Variants in ZNF286A observed in about 807,000 individuals in gnomAD.
ZNF286A encodes zinc finger protein ZNF286.
A neutral mutation model predicts 49.3 loss-of-function variants in ZNF286A; 34 were observed. That is an observed-to-expected ratio of 0.69 (90% CI 0.52 to 0.92). The LOEUF (loss-of-function observed/expected upper bound fraction) is 0.92. Ranked by LOEUF, ZNF286A falls within the 40% of genes least tolerant of loss-of-function variation. The pLI, the probability that ZNF286A is intolerant of heterozygous loss-of-function variation, is 0.00. For synonymous variants in ZNF286A, 155 were observed against 200.4 expected, an observed-to-expected ratio of 0.77 and a Z score of 1.91; for missense variants, 462 against 600.2, an observed-to-expected ratio of 0.77 and a Z score of 2.41.
At position 15,711,866 on chromosome 17, in the gene ZNF286A, C is replaced by A. The variant is rs559963724; in HGVS notation, c.334+3619C>A. Among the ~76,000 whole-genome samples, 134 of 103,502 alleles carry A rather than the reference C, an allele frequency of 1.3e-3. 5 individuals carry two copies. Among genetic ancestry groups the A allele is most frequent in the East Asian group, 8.8e-3 (28 of 3,198 alleles). The allele number at this position is 103,502 out of a possible 152,430, so 67.9% of individuals were successfully genotyped here. On this transcript the variant is annotated intron_variant, in intron 5 of 5. Transcript: ENST00000583566. ...TTGCATTTATCTGTAATCTGCCCCC[C>A]CCCCGGCTTTTTTTTTTTTTTTTGA...
intron 5 of ZNF286A, among the ~76,000 whole-genome samples, chr17:15,714,816 A>G (rs1308663875): frequency 6.6e-6 from 1 of 152,110 alleles, no homozygotes; most frequent in Non-Finnish European, 1.5e-5. Context: ...ATAGAAGATG[A>G]ATAGATAGAT....
At chr17:15,706,016 GA>G (rs1255798445) in intron 3 of ZNF286A, among the ~76,000 whole-genome samples, 1 of 152,178 alleles carries the variant, frequency 6.6e-6, no homozygotes, top group African/African-American at 2.4e-5. Context: ...TGAGGACTCA[GA>G]GAAGCATTAT....
chr17:15,720,671 A>G lies in ZNF286A; in HGVS notation c.*3381A>G, dbSNP rs1967325925. ...ACCTGCCACATGTTTGTACTGCAAC[A>G]TGAATCTTGGAAATTTTAATGTTAT... On this transcript the variant is annotated 3_prime_UTR_variant, in exon 6 of 6. Coordinates refer to ENST00000583566, the MANE Select transcript of ZNF286A (RefSeq NM_001130842.2). 6.7e-6 allele frequency: 1 copy of G among 148,854 alleles called. No individual in the cohort carries two copies. Among genetic ancestry groups the G allele is most frequent in the Non-Finnish European group, 1.5e-5 (1 of 67,390 alleles). 9.2% of individuals were successfully genotyped at this position (148,854 alleles called of 1,614,324 possible). A position where few individuals can be genotyped will look rare whatever the true frequency, so the allele number is the denominator to read the frequency against.
rs1288552880 is a variant in ZNF286A at position 15,716,656 on chromosome 17, C to T, written c.932C>T (p.Ser311Leu). The stretch of plus-strand genomic sequence containing the variant: ...TGCAAGAAAACCTTCACAGAAAGCT[C>T]ATCCCTTGCAACACATCAGAGAATT... ...SECKKTFTESSSLATHQRIHV... is the reference protein window; with the variant it reads ...SECKKTFTESLSLATHQRIHV... The change falls in exon 6 of 6, where the codon TCA (serine) becomes TTA (leucine). Residue 311 changes from serine to leucine, a missense_variant. Around this residue, in one of 3 missense-constraint regions of ZNF286A, gnomAD observed 201 missense variants for 311.3 expected, o/e 0.65. Coordinates refer to ENST00000583566, the MANE Select transcript of ZNF286A (RefSeq NM_001130842.2). 1.9e-6 allele frequency: 3 copies of T among 1,613,984 alleles called. No individual in the cohort carries two copies. The highest frequency in any genetic ancestry group is 2.5e-6 in the Non-Finnish European group (3 of 1,179,992).
chr17:15,704,068 T>TATTATTA (rs138745890), intron 3 of ZNF286A, among the ~76,000 whole-genome samples: 1 of 140,578 alleles, frequency 7.1e-6, no homozygotes, highest in Non-Finnish European at 1.5e-5. Context: ...TTATTATTAT[T>TATTATTA]TTTTTTTTTT....
In ZNF286A at chr17:15,717,127, G is replaced by A; in HGVS notation, c.1403G>A (p.Cys468Tyr). Reference sequence around the variant, plus strand: ...CATATTGGAAAGAAACCGTACAAATGTAGCGAGTGTGGAAAAGCCTTCATT... The same window carrying A: ...CATATTGGAAAGAAACCGTACAAATATAGCGAGTGTGGAAAAGCCTTCATT... ...RIHIGKKPYK[C>Y]SECGKAFIHS... Residue 468 changes from cysteine to tyrosine, a missense_variant, in exon 6 of 6, where the codon TGT (cysteine) becomes TAT (tyrosine). Transcript: ENST00000583566. 1 of 1,613,870 alleles carries A rather than the reference G, an allele frequency of 6.2e-7. No homozygotes were observed. The highest frequency in any genetic ancestry group is 1.7e-5 in the Admixed American group (1 of 59,992).
At chr17:15,709,392 T>C (rs1990477239) in intron 5 of ZNF286A, among the ~76,000 whole-genome samples, 1 of 151,196 alleles carries the variant, frequency 6.6e-6, no homozygotes, top group East Asian at 1.9e-4. Context: ...CTTGGGAGGC[T>C]GAGGCAGGAG....
At chr17:15,702,073 G>A (rs1597703310) in intron 3 of ZNF286A, among the ~76,000 whole-genome samples, 1 of 150,196 alleles carries the variant, frequency 6.7e-6, no homozygotes, top group East Asian at 2.0e-4. Flanking sequence ...AGTAATCCGA[G>A]ATCGCACCAC....
At chr17:15,702,523 A>G (rs1989865627) in intron 3 of ZNF286A, among the ~76,000 whole-genome samples, 1 of 152,160 alleles carries the variant, frequency 6.6e-6, no homozygotes, top group South Asian at 2.1e-4. Context: ...AAAAAAAAAA[A>G]AAAAGAAGTT....
intron 3 of ZNF286A, chr17:15,704,308 T>C (rs1278990126): frequency 6.2e-7 from 1 of 1,610,432 alleles, no homozygotes; most frequent in Non-Finnish European, 8.5e-7. Flanking sequence ...GCCAGCATGC[T>C]TCTTGGCCAT....
At position 15,701,385 on chromosome 17, in the gene ZNF286A, T is replaced by C. The variant is rs552918682; in HGVS notation, c.126+145T>C. On this transcript the variant is annotated intron_variant, in intron 3 of 5. Coordinates refer to ENST00000583566, the MANE Select transcript of ZNF286A (RefSeq NM_001130842.2). Reference sequence around the variant, plus strand: ...TCTAAGAGACTAGTCAGGAGACTAATGGACTCAGAAGAAAATGTTTTCTAC... The same window carrying C: ...TCTAAGAGACTAGTCAGGAGACTAACGGACTCAGAAGAAAATGTTTTCTAC... 132 of 596,716 alleles carry C rather than the reference T, an allele frequency of 2.2e-4. 2 individuals are homozygous for C. The Admixed American group carries it at 3.1e-3, about 14-fold the overall frequency. The allele number at this position is 596,716 out of a possible 1,614,324, so 37.0% of individuals were successfully genotyped here.
chr17:15,719,157 A>G lies in ZNF286A; in HGVS notation c.*1867A>G, dbSNP rs1967248722. 1 of 135,984 alleles carries G rather than the reference A, an allele frequency of 7.4e-6. No homozygotes were observed. Among genetic ancestry groups the G allele is most frequent in the African/African-American group, 2.8e-5 (1 of 35,584 alleles). The allele number at this position is 135,984 out of a possible 1,614,324, so 8.4% of individuals were successfully genotyped here. On this transcript the variant is annotated 3_prime_UTR_variant, in exon 6 of 6. Coordinates refer to ENST00000583566, the MANE Select transcript of ZNF286A (RefSeq NM_001130842.2). Reference sequence around the variant, plus strand: ...ATTACTCAAAAAAAAAAAAAAAAAGAAAGAAAAGAAAACACAGGAAAAGGA... The same window carrying G: ...ATTACTCAAAAAAAAAAAAAAAAAGGAAGAAAAGAAAACACAGGAAAAGGA...
Position 15,713,789 on chromosome 17 carries a change from G to A in ZNF286A, c.335-2270G>A, listed in dbSNP as rs572406575. Among the ~76,000 whole-genome samples, 6 of 150,778 alleles carry A rather than the reference G, an allele frequency of 4.0e-5. No individual in the cohort carries two copies. The South Asian group carries it at 1.1e-3, about 27-fold the overall frequency. The stretch of plus-strand genomic sequence containing the variant: ...AGTTTTAGGAAGCCATCAAGCTCTC[G>A]GTGGTAAATAGAAGTTTTCCAAAAC... On this transcript the variant is annotated intron_variant, in intron 5 of 5. Coordinates refer to ENST00000583566, the MANE Select transcript of ZNF286A (RefSeq NM_001130842.2).
intron 5 of ZNF286A, chr17:15,709,680 T>C: frequency 2.4e-6 from 2 of 840,056 alleles, no homozygotes; most frequent in Non-Finnish European, 3.6e-6. Flanking sequence ...TTATGTAGTC[T>C]GATTTCTTAA....
rs1333155966 is a variant in ZNF286A, at chr17:15,718,544, C to G, written c.*1254C>G. ...TTCAGTGTGTTATTATATTTAGGGT[C>G]CCAGTAAAGAAGAACTGAAGCAACT... On this transcript the variant is annotated 3_prime_UTR_variant, in exon 6 of 6. Coordinates refer to ENST00000583566, the MANE Select transcript of ZNF286A (RefSeq NM_001130842.2). 2.0e-5 allele frequency: 3 copies of G among 149,874 alleles called. No homozygotes were observed. The Admixed American group carries it at 2.0e-4, about 10-fold the overall frequency. 9.3% of individuals were successfully genotyped at this position (149,874 alleles called of 1,614,324 possible).
intron 3 of ZNF286A, among the ~76,000 whole-genome samples, chr17:15,705,218 C>T (rs755435365): frequency 2.0e-5 from 3 of 152,122 alleles, no homozygotes; most frequent in Non-Finnish European, 2.9e-5. Flanking sequence ...CCAGATTTTG[C>T]AAAAATTTAT....
chr17:15,700,407 C>A (rs1989681541), intron 2 of ZNF286A, 41 bp downstream of exon 2: 1 of 709,532 alleles, frequency 1.4e-6, no homozygotes, highest in African/African-American at 1.8e-5. Flanking sequence ...CGTGGAAGGA[C>A]GAAATTCCTG....
intron 5 of ZNF286A, among the ~76,000 whole-genome samples, chr17:15,712,356 T>C (rs1308908598): frequency 2.0e-5 from 3 of 152,218 alleles, no homozygotes; most frequent in Non-Finnish European, 2.9e-5. Flanking sequence ...GAGTCCCAAA[T>C]TGGTATTTCC....
At chr17:15,710,701 T>C (rs996399861) in intron 5 of ZNF286A, among the ~76,000 whole-genome samples, 2 of 152,156 alleles carry the variant, frequency 1.3e-5, no homozygotes, top group Non-Finnish European at 2.9e-5. Context: ...TAAAAATCTT[T>C]CCGTGATTAT....
Sources: allele counts gnomAD v4.1 joint callset (sites outside exome capture counted in the v4.1 genomes callset), GRCh38; gene constraint gnomAD v4.1.1; regional missense constraint gnomAD v4.1.1; transcripts MANE v1.5; gene names NCBI Gene and HGNC (gene_info 2026-07-23, HGNC 2026-07-21).